STN1: variants seen among roughly 807,000 people sequenced by gnomAD.
STN1 encodes the protein STN1 subunit of CST complex.
Under a neutral mutation model 45.5 loss-of-function variants are expected in STN1, and 29 were observed. The observed-to-expected ratio is 0.64, with a 90% CI of 0.47 to 0.87. The LOEUF (loss-of-function observed/expected upper bound fraction) is 0.87, where lower values mean the gene tolerates loss of function less well. Ranked by LOEUF, STN1 falls within the 40% of genes least tolerant of loss-of-function variation. The pLI is 0.00. For synonymous variants in STN1, 148 were observed against 159.0 expected, an observed-to-expected ratio of 0.93 and a Z score of 0.52; for missense variants, 376 against 441.4, an observed-to-expected ratio of 0.85 and a Z score of 1.33.
intron 9 of STN1, among the ~76,000 whole-genome samples, chr10:103,887,555 G>A (rs948813572): frequency 2.0e-5 from 3 of 152,128 alleles, no homozygotes; most frequent in Admixed American, 2.0e-4. Context: ...ATTATGAAGC[G>A]GGGTGGTCAC....
Position 103,917,575 on chromosome 10 carries a change from C to G in STN1, c.20G>C (p.Arg7Pro), listed in dbSNP as rs1046995558. ...GAGGGAAGGGGTCTCCTCTTCACAC[C>G]GGCTGGATCCAGGCTGCATCAAGAG... MQPGSSRCEEETPSLLW... is the reference protein window; with the variant it reads MQPGSSPCEEETPSLLW... The change falls in exon 2 of 10, where the codon CGG becomes CCG. Residue 7 changes from arginine to proline, a missense_variant. By Grantham distance (103) the Arg-to-Pro change is moderately radical. Coordinates refer to ENST00000224950, the MANE Select transcript of STN1 (RefSeq NM_024928.5). 1.2e-5 allele frequency: 19 copies of G among 1,613,922 alleles called. No homozygotes were observed. The highest frequency in any genetic ancestry group is 1.6e-5 in the Non-Finnish European group (19 of 1,179,922).
At chr10:103,903,383 A>G (rs779564575) in intron 4 of STN1, among the ~76,000 whole-genome samples, 1 of 152,260 alleles carries the variant, frequency 6.6e-6, no homozygotes, top group Non-Finnish European at 1.5e-5. Context: ...ATACTGCTAC[A>G]GTTTGACAAA....
chr10:103,889,249 T>C (rs1397059455), intron 8 of STN1, 105 bp from the exon 9 acceptor site: 1 of 733,744 alleles, frequency 1.4e-6, no homozygotes, highest in Non-Finnish European at 2.4e-6. Context: ...AAAGATTACA[T>C]AATAATCATC....
intron 7 of STN1, among the ~76,000 whole-genome samples, chr10:103,892,536 A>C (rs116804939): frequency 0.024 from 3,607 of 151,642 alleles, 134 homozygotes; most frequent in African/African-American, 0.082. Flanking sequence ...AGCTACCCTC[A>C]CTGTTGGACA....
rs761063255 is a variant in STN1 at position 103,897,643 on chromosome 10, T to A, written c.658A>T (p.Arg220Ter). 3 of 1,614,218 alleles carry A rather than the reference T, an allele frequency of 1.9e-6. No homozygotes were observed. Among genetic ancestry groups the A allele is most frequent in the Non-Finnish European group, 2.5e-6 (3 of 1,180,026 alleles). The change falls in exon 7 of 10, where the codon AGA becomes TGA. Residue 220 changes from arginine (R) to a stop codon, truncating the protein, a stop_gained. Transcript: ENST00000224950. LOFTEE classifies it high-confidence loss of function. ...EKAKEFLMEN[R>*]VQSFYQQELE... ...TCCTGCTGGTAAAAGCTCTGCACTC[T>A]GTTCTCCATGAGGAATTCTTTGGCT...
At chr10:103,888,263 C>T (rs1843116619) in intron 9 of STN1, among the ~76,000 whole-genome samples, 1 of 152,168 alleles carries the variant, frequency 6.6e-6, no homozygotes, top group Non-Finnish European at 1.5e-5. Flanking sequence ...GGCCGAAGGA[C>T]TGGAGGTGGA....
chr10:103,915,435 T>C (rs1843324894), intron 2 of STN1, among the ~76,000 whole-genome samples: 2 of 152,126 alleles, frequency 1.3e-5, no homozygotes, highest in South Asian at 4.1e-4. Flanking sequence ...TAAATTCAAG[T>C]GTGGTTCGAG....
intron 3 of STN1, among the ~76,000 whole-genome samples, chr10:103,910,289 A>G (rs1843281006): frequency 6.6e-6 from 1 of 151,934 alleles, no homozygotes; most frequent in Non-Finnish European, 1.5e-5. Context: ...TAATTCTTCC[A>G]CTTCTTAGCA....
intron 4 of STN1, among the ~76,000 whole-genome samples, chr10:103,904,095 A>G (rs937418426): frequency 6.6e-6 from 1 of 152,186 alleles, no homozygotes; most frequent in African/African-American, 2.4e-5. Context: ...AAACGACTCT[A>G]AGCACTAGAT....
At position 103,917,887 on chromosome 10, in the gene STN1, C is replaced by G. The variant is rs1487872759; in HGVS notation, c.-63+213G>C. On this transcript the variant is annotated intron_variant, in intron 1 of 9. Transcript: ENST00000224950. ...TCTCCTTCCCACAAAGCACCAACTTCGGAACGGCTAAACATCAACTTTCAC... is the reference window on the plus strand; with the variant it reads ...TCTCCTTCCCACAAAGCACCAACTTGGGAACGGCTAAACATCAACTTTCAC... Among the ~76,000 whole-genome samples, 3 of 152,210 alleles carry G rather than the reference C, an allele frequency of 2.0e-5. No individual in the cohort carries two copies. In the East Asian group the frequency reaches 5.8e-4, roughly 29 times the overall value.
intron 3 of STN1, among the ~76,000 whole-genome samples, chr10:103,905,432 A>G (rs115530595): frequency 5.9e-4 from 90 of 152,334 alleles, no homozygotes; most frequent in African/African-American, 2.0e-3. Flanking sequence ...TAGTACCCTC[A>G]AGGGTACCCT....
chr10:103,889,695 CTTTTTTTTTTTTT>C (rs58738841), intron 8 of STN1, among the ~76,000 whole-genome samples: 1 of 122,098 alleles, frequency 8.2e-6, no homozygotes, highest in East Asian at 2.7e-4. Flanking sequence ...TTTCTTTTTC[CTTTTTTTTTTTTT>C]TTTTTTTTTT....
chr10:103,886,366 G>C (rs1564911090), intron 9 of STN1, among the ~76,000 whole-genome samples: 1 of 151,856 alleles, frequency 6.6e-6, no homozygotes. Context: ...TCTAGGTGAA[G>C]GGTATATCGG....
At chr10:103,888,157 A>G (rs1843116120) in intron 9 of STN1, among the ~76,000 whole-genome samples, 1 of 152,244 alleles carries the variant, frequency 6.6e-6, no homozygotes, top group Non-Finnish European at 1.5e-5. Flanking sequence ...TTAAAGGCTA[A>G]CTAGGGCTGT....
intron 8 of STN1, among the ~76,000 whole-genome samples, chr10:103,889,969 T>C (rs1843128855): frequency 1.3e-5 from 2 of 152,138 alleles, no homozygotes; most frequent in African/African-American, 4.8e-5. Context: ...CCTCCCAAAG[T>C]GCTGGGATTA....
chr10:103,898,902 C>T lies in STN1; in HGVS notation c.556G>A (p.Ala186Thr). Residue 186 changes from alanine (A) to threonine (T), a missense_variant, in exon 6 of 10, where the codon GCC becomes ACC. By Grantham distance (58) the Ala-to-Thr change is moderately conservative (BLOSUM62 0). Transcript: ENST00000224950. ...CTTAGTGCCTCTTCTTTCTCTAGGG[C>T]TGAGCTGTGAAAAGGCTGGTCATAA... The part of the protein sequence containing the change: ...KVYDQPFHSS[A>T]LEKEEALSNP... 6.2e-7 allele frequency: 1 copy of T among 1,613,936 alleles called. No individual in the cohort carries two copies. Among genetic ancestry groups the T allele is most frequent in the African/African-American group, 1.3e-5 (1 of 75,032 alleles).
At chr10:103,888,887 G>A (rs910710002) in intron 9 of STN1, among the ~76,000 whole-genome samples, 185 bp downstream of exon 9, 6 of 152,164 alleles carry the variant, frequency 3.9e-5, no homozygotes, top group Non-Finnish European at 7.3e-5. Flanking sequence ...CACAACAACT[G>A]TGCTAGCCCA....
intron 4 of STN1, among the ~76,000 whole-genome samples, chr10:103,904,580 T>C (rs1047782994): frequency 6.6e-6 from 1 of 152,230 alleles, no homozygotes; most frequent in Non-Finnish European, 1.5e-5. Flanking sequence ...TAATGGATAA[T>C]TTCCAAAGGA....
At chr10:103,914,358 ATATATATATATATATAT>A (rs1399082585) in intron 2 of STN1, among the ~76,000 whole-genome samples, 1 of 12,770 alleles carries the variant, frequency 7.8e-5, no homozygotes, top group Non-Finnish European at 2.2e-4. Flanking sequence ...ATATATATAT[ATATATATATATATATAT>A]TTTTTTTTTT....
Sources: allele counts gnomAD v4.1 joint callset (sites outside exome capture counted in the v4.1 genomes callset), GRCh38; gene constraint gnomAD v4.1.1; transcripts MANE v1.5; gene names NCBI Gene and HGNC (gene_info 2026-07-23, HGNC 2026-07-21).